Variants in DYSF observed in about 807,000 individuals in gnomAD.
The protein encoded by DYSF is dystrophy-associated fer-1-like 1.
Under a neutral mutation model 274.9 loss-of-function variants are expected in DYSF, and 212 were observed. The observed-to-expected ratio is 0.77, with a 90% CI of 0.69 to 0.86. The LOEUF is 0.86. Among genes scored for constraint, DYSF ranks in the 40% least tolerant of loss-of-function variants. DYSF has a pLI of 0.00. For missense variants in DYSF, 2,666 were observed against 2,783.2 expected, an observed-to-expected ratio of 0.96 and a Z score of 0.95; for synonymous variants, 1,091 against 1,078.7, an observed-to-expected ratio of 1.01 and a Z score of -0.22.
intron 30 of DYSF, among the ~76,000 whole-genome samples, chr2:71,587,365 T>A (rs747461313): frequency 6.6e-6 from 1 of 152,232 alleles, no homozygotes; most frequent in Non-Finnish European, 1.5e-5. Flanking sequence ...CTGGAGGCAC[T>A]GGGAGAGGCT....
intron 41 of DYSF, among the ~76,000 whole-genome samples, chr2:71,637,580 C>T (rs1485986444): frequency 6.6e-6 from 1 of 152,106 alleles, no homozygotes; most frequent in East Asian, 1.9e-4. Flanking sequence ...CACTGGGGCT[C>T]CTTGAAGCTG....
In DYSF at chr2:71,574,149, C is replaced by A. The variant is rs369319630; in HGVS notation, c.3229-49C>A. 3.6e-5 allele frequency: 58 copies of A among 1,601,324 alleles called. No homozygotes were observed. The African/African-American group carries it at 6.9e-4, about 19-fold the overall frequency. On this transcript the variant is annotated intron_variant, in intron 29 of 55. Coordinates refer to ENST00000410020, the MANE Select transcript of DYSF (RefSeq NM_001130987.2). Reference sequence around the variant, plus strand: ...CAAAGGTGGAGCCGAGCACAGAACTCCCCCCAGCCTTCCCACCGGCCTCTG... The same window carrying A: ...CAAAGGTGGAGCCGAGCACAGAACTACCCCCAGCCTTCCCACCGGCCTCTG...
intron 4 of DYSF, among the ~76,000 whole-genome samples, chr2:71,509,084 G>A (rs1048084108): frequency 1.3e-5 from 2 of 152,126 alleles, no homozygotes; most frequent in Non-Finnish European, 2.9e-5. Flanking sequence ...TTGAACCCCT[G>A]ACCTCAGGTG....
intron 12 of DYSF, 98 bp from the exon 13 acceptor site, chr2:71,526,122 T>G: frequency 1.2e-6 from 2 of 1,608,870 alleles, no homozygotes; most frequent in Admixed American, 3.3e-5. Flanking sequence ...TACTGCAGAA[T>G]GCAGCATTTA....
intron 55 of DYSF, among the ~76,000 whole-genome samples, chr2:71,685,279 G>A (rs367982395): frequency 9.2e-5 from 14 of 152,240 alleles, no homozygotes; most frequent in African/African-American, 3.4e-4. Context: ...TCTTCTGGAA[G>A]TTGTCCTCTT....
intron 41 of DYSF, among the ~76,000 whole-genome samples, chr2:71,634,183 T>G (rs1331396361): frequency 6.6e-6 from 1 of 152,146 alleles, no homozygotes; most frequent in Non-Finnish European, 1.5e-5. Flanking sequence ...GGGAGTGGTG[T>G]TTTAATGGCC....
At position 71,669,176 on chromosome 2, in the gene DYSF, G is replaced by A. The variant is rs2152955985; in HGVS notation, c.5611G>A (p.Gly1871Arg). Residue 1871 changes from glycine to arginine, a missense_variant, in exon 50 of 56, where the codon GGG becomes AGG. Physicochemically the swap from Gly to Arg is moderately radical, Grantham distance 125. Around this residue, in one of 3 missense-constraint regions of DYSF, gnomAD observed 1,460 missense variants for 1,502.1 expected, o/e 0.97. Transcript: ENST00000410020. Reference protein sequence around the residue: ...DVILDDLSLTGEKMSDIYVKG... With the variant: ...DVILDDLSLTREKMSDIYVKG... ...GATCCTGGATGACCTGAGCCTCACG[G>A]GGGAGAAGATGAGCGACATTTATGT... The A allele has an allele frequency of 6.2e-7, 1 of 1,610,534 alleles. No homozygotes were observed. Among genetic ancestry groups the A allele is most frequent in the East Asian group, 2.2e-5 (1 of 44,810 alleles).
chr2:71,639,246 T>C (rs1407536950), intron 41 of DYSF, among the ~76,000 whole-genome samples: 1 of 152,234 alleles, frequency 6.6e-6, no homozygotes, highest in African/African-American at 2.4e-5. Flanking sequence ...AAATATATGA[T>C]TTGCAAATAT....
Position 71,556,056 on chromosome 2 carries a change from T to C in DYSF, c.2201T>C (p.Leu734Pro). 6.4e-7 allele frequency: 1 copy of C among 1,573,422 alleles called. No individual in the cohort carries two copies. The highest frequency in any genetic ancestry group is 8.6e-7 in the Non-Finnish European group (1 of 1,159,978). Residue 734 changes from leucine (L) to proline (P), a missense_variant, in exon 22 of 56, where the codon CTC (leucine) becomes CCC (proline). Leu to Pro is a moderately conservative substitution (Grantham distance 98). Around this residue, in one of 3 missense-constraint regions of DYSF, gnomAD observed 412 missense variants for 504.0 expected, o/e 0.82. Coordinates refer to ENST00000410020, the MANE Select transcript of DYSF (RefSeq NM_001130987.2). The part of the protein sequence containing the change: ...DSLVAQLTDE[L>P]IAGCSQPLGD... The stretch of plus-strand genomic sequence containing the variant: ...CTGGTGGCTCAGCTGACGGATGAGC[T>C]CATCGCAGGCTGCAGGTAGGGGGGA...
chr2:71,673,653 G>A (rs1481804049), intron 51 of DYSF, among the ~76,000 whole-genome samples: 3 of 152,106 alleles, frequency 2.0e-5, no homozygotes, highest in Admixed American at 2.0e-4. Flanking sequence ...TACAGAGCAA[G>A]GTTTAAGGTA....
chr2:71,564,945 T>A (rs952184156), intron 24 of DYSF, among the ~76,000 whole-genome samples: 5 of 152,322 alleles, frequency 3.3e-5, no homozygotes, highest in African/African-American at 1.2e-4. Flanking sequence ...TGGTGTGGCC[T>A]GGCGTGCAGG....
At position 71,535,165 on chromosome 2, in the gene DYSF, C is replaced by A. The variant is rs190492280; in HGVS notation, c.1449+76C>A. On this transcript the variant is annotated intron_variant, in intron 15 of 55. Transcript: ENST00000410020. Reference sequence around the variant, plus strand: ...TTCGGGAGGTCCAGGGCTCCTGCCTCCCCAGCATCCTGCCAGTATCCCAGA... The same window carrying A: ...TTCGGGAGGTCCAGGGCTCCTGCCTACCCAGCATCCTGCCAGTATCCCAGA... 1.0e-4 allele frequency: 167 copies of A among 1,602,106 alleles called. No individual in the cohort carries two copies. In the African/African-American group the frequency reaches 2.0e-3, roughly 20 times the overall value.
chr2:71,602,675 T>C (rs1447592234), intron 35 of DYSF, 101 bp from the exon 36 acceptor site: 9 of 1,320,482 alleles, frequency 6.8e-6, no homozygotes, highest in Non-Finnish European at 9.6e-6. Context: ...TGCTGACCTC[T>C]GGCCCCGCCT....
At chr2:71,613,451 C>T in intron 40 of DYSF, 41 bp downstream of exon 40, 2 of 1,527,038 alleles carry the variant, frequency 1.3e-6, no homozygotes, top group South Asian at 2.3e-5. Flanking sequence ...GTCACCTTTC[C>T]CCTCCATTCC....
At chr2:71,511,187 C>T (rs944286964) in intron 4 of DYSF, among the ~76,000 whole-genome samples, 2 of 152,206 alleles carry the variant, frequency 1.3e-5, no homozygotes, top group Non-Finnish European at 2.9e-5. Flanking sequence ...TCCCTCTCCT[C>T]TCTGGCCGGT....
chr2:71,553,246 A>G (rs1242658830), intron 20 of DYSF, 58 bp downstream of exon 20: 22 of 1,609,466 alleles, frequency 1.4e-5, no homozygotes, highest in Non-Finnish European at 1.9e-5. Flanking sequence ...AGGGGGCCAC[A>G]CCTTAAATCC....
intron 43 of DYSF, among the ~76,000 whole-genome samples, chr2:71,656,592 A>G (rs375757669): frequency 6.6e-6 from 1 of 152,206 alleles, no homozygotes; most frequent in African/African-American, 2.4e-5. Context: ...GCTGATAAAG[A>G]CACATTCAAG....
At chr2:71,528,992 G>A (rs910672217) in intron 14 of DYSF, among the ~76,000 whole-genome samples, 1 of 151,872 alleles carries the variant, frequency 6.6e-6, no homozygotes, top group Non-Finnish European at 1.5e-5. Context: ...GCCCTCCCAG[G>A]CTTCAGCCAT....
intron 37 of DYSF, 58 bp downstream of exon 37, chr2:71,611,404 GC>G (rs2093757623): frequency 1.2e-6 from 2 of 1,613,828 alleles, no homozygotes; most frequent in African/African-American, 1.3e-5. Context: ...CCCCTTCCTG[GC>G]CCCAGCCTTT....
Sources: gnomAD v4.1 joint callset for allele counts (sites outside exome capture counted in the v4.1 genomes callset) on GRCh38, gnomAD v4.1.1 for gene constraint, gnomAD v4.1.1 regional missense constraint, MANE v1.5 for transcripts, NCBI Gene and HGNC (gene_info 2026-07-23, HGNC 2026-07-21) for gene names.